The following OSBPL10 variants were observed in gnomAD, a reference collection of about 807,000 sequenced individuals.
The protein encoded by OSBPL10 is oxysterol-binding protein-related protein 10.
In OSBPL10, 49 loss-of-function variants were observed where a neutral mutation model predicts 81.7. The observed-to-expected ratio is 0.60, with a 90% CI of 0.48 to 0.76. The LOEUF (loss-of-function observed/expected upper bound fraction) is 0.76. Among genes scored for constraint, OSBPL10 ranks in the 30% least tolerant of loss-of-function variants. OSBPL10 has a pLI of 0.00. For missense variants in OSBPL10, 923 were observed against 987.8 expected (o/e 0.93, Z 0.88); for synonymous variants, 419 against 383.6 (o/e 1.09, Z -1.08).
upstream of OSBPL10, among the ~76,000 whole-genome samples, chr3:31,985,549 A>T (rs746909155): frequency 6.6e-6 from 1 of 152,190 alleles, no homozygotes; most frequent in Non-Finnish European, 1.5e-5. Context: ...AGTTTCTAGT[A>T]GTTGTTTCTG....
chr3:31,775,677 G>A (rs1698529224), intron 4 of OSBPL10, among the ~76,000 whole-genome samples: 1 of 152,104 alleles, frequency 6.6e-6, no homozygotes, highest in African/African-American at 2.4e-5. Context: ...GGATGAAGGA[G>A]GGACGGTGGG....
intron 1 of OSBPL10, among the ~76,000 whole-genome samples, chr3:32,051,970 G>A (rs142190802): frequency 8.5e-5 from 13 of 152,206 alleles, no homozygotes; most frequent in East Asian, 7.7e-4. Flanking sequence ...TTGGTAGGCC[G>A]GGTGCAGTGG....
At chr3:31,828,153 T>C (rs1318473392) in intron 4 of OSBPL10, among the ~76,000 whole-genome samples, 1 of 152,224 alleles carries the variant, frequency 6.6e-6, no homozygotes, top group African/African-American at 2.4e-5. Context: ...TATAAACTAA[T>C]CTGCGATGAG....
At chr3:31,772,743 T>C (rs1483654571) in intron 4 of OSBPL10, among the ~76,000 whole-genome samples, 1 of 152,230 alleles carries the variant, frequency 6.6e-6, no homozygotes, top group Non-Finnish European at 1.5e-5. Flanking sequence ...ATTCTGTGTG[T>C]CTGGAAATGA....
chr3:31,870,232 C>G (rs988284203), intron 3 of OSBPL10, among the ~76,000 whole-genome samples: 3 of 152,220 alleles, frequency 2.0e-5, no homozygotes, highest in Admixed American at 6.5e-5. Flanking sequence ...GCGGGCCTCC[C>G]GGCCCGGGCA....
At chr3:31,969,792 T>C (rs1041200075) in intron 1 of OSBPL10, among the ~76,000 whole-genome samples, 6 of 150,810 alleles carry the variant, frequency 4.0e-5, no homozygotes, top group Non-Finnish European at 4.4e-5. Flanking sequence ...GAGGCGGAGG[T>C]TGCATTGAGC....
intron 11 of OSBPL10, 71 bp from the exon 12 acceptor site, chr3:31,662,187 C>A (rs1020417412): frequency 6.2e-6 from 10 of 1,607,632 alleles, no homozygotes; most frequent in South Asian, 1.1e-5. Flanking sequence ...CAAGGATAAC[C>A]GCAGCCACTC....
intron 4 of OSBPL10, among the ~76,000 whole-genome samples, chr3:31,820,611 A>C (rs906982931): frequency 6.6e-6 from 1 of 152,040 alleles, no homozygotes; most frequent in Non-Finnish European, 1.5e-5. Flanking sequence ...AAAAAAAAAA[A>C]TTTCAACATA....
At chr3:31,822,586 C>T (rs1203009570) in intron 4 of OSBPL10, among the ~76,000 whole-genome samples, 5 of 152,016 alleles carry the variant, frequency 3.3e-5, no homozygotes, top group East Asian at 3.9e-4. Context: ...AAGTGTGAGC[C>T]GCGTTAAAAA....
chr3:31,668,631 C>A lies in OSBPL10; in HGVS notation c.2096+11G>T. ...ACTAAGCTGGAGAGGAAGACACAGC[C>A]CGGTTCTCACCTGGACTCCATGGGT... is the stretch of plus-strand genomic sequence containing the variant. On this transcript the variant is annotated intron_variant, in intron 10 of 11. Transcript: ENST00000396556. 1.2e-6 allele frequency: 2 copies of A among 1,605,504 alleles called. No homozygotes were observed. Among genetic ancestry groups the A allele is most frequent in the Non-Finnish European group, 8.5e-7 (1 of 1,175,024 alleles).
chr3:31,879,919 AC>A, intron 1 of OSBPL10, 89 bp from the exon 2 acceptor site: 1 of 1,323,056 alleles, frequency 7.6e-7, no homozygotes, highest in South Asian at 1.5e-5. Flanking sequence ...CCAGAAGTCA[AC>A]ATCAAGACTC....
chr3:32,066,034 A>C lies in OSBPL10; in HGVS notation n.185+11362T>G, dbSNP rs1263395711. Among the ~76,000 whole-genome samples, 4 of 87,278 alleles carry C rather than the reference A, an allele frequency of 4.6e-5. 2 individuals are homozygous for C. The highest frequency in any genetic ancestry group is 1.2e-4 in the Non-Finnish European group (4 of 32,796). The allele number at this position is 87,278 out of a possible 152,430, so 57.3% of individuals were successfully genotyped here. A position where few individuals can be genotyped will look rare whatever the true frequency, so the allele number is the denominator to read the frequency against. ...GAAAGAAAGAAAGAAAGAGAGAGAG[A>C]GAGAAAGAGAAAGAGAAGGTTGCAA... On this transcript the variant is annotated intron_variant and non_coding_transcript_variant, in intron 1 of 3. Coordinates refer to the OSBPL10 transcript ENST00000479173.
At chr3:31,861,104 T>G (rs60719031) in intron 3 of OSBPL10, among the ~76,000 whole-genome samples, 6,124 of 152,218 alleles carry the variant, frequency 0.04, 221 homozygotes, top group South Asian at 0.096. Context: ...ATAACATAAA[T>G]TATTAGTTTA....
intron 7 of OSBPL10, among the ~76,000 whole-genome samples, chr3:31,691,773 T>C (rs1011941171): frequency 1.3e-5 from 2 of 151,980 alleles, no homozygotes; most frequent in Non-Finnish European, 2.9e-5. Flanking sequence ...TTGGGAGCCA[T>C]CTTCGTATTT....
intron 1 of OSBPL10, among the ~76,000 whole-genome samples, chr3:31,898,317 T>C (rs746096665): frequency 2.0e-5 from 3 of 152,192 alleles, no homozygotes; most frequent in African/African-American, 4.8e-5. Context: ...GTGAGAGATA[T>C]GTTAATTAGC....
chr3:31,764,721 A>G (rs1412047163), intron 4 of OSBPL10, among the ~76,000 whole-genome samples: 2 of 152,202 alleles, frequency 1.3e-5, no homozygotes, highest in Non-Finnish European at 2.9e-5. Flanking sequence ...CCAATCTCCC[A>G]GCAAGGGTGG....
chr3:31,664,159 G>C lies in OSBPL10; in HGVS notation c.2170C>G (p.Leu724Val). ...IDAATEQKRH[L>V]EEKQRVEERK... ...TCCTCCACCCGTTGCTTCTCCTCCA[G>C]GTGCCGCTTCTGCTCGGTGGCTGCG... The change falls in exon 11 of 12, where the codon CTG (leucine) becomes GTG (valine). Residue 724 changes from leucine to valine, a missense_variant. Transcript: ENST00000396556. 1 of 1,613,734 alleles carries C rather than the reference G, an allele frequency of 6.2e-7. No individual in the cohort carries two copies. Among genetic ancestry groups the C allele is most frequent in the East Asian group, 2.2e-5 (1 of 44,846 alleles).
At chr3:31,970,682 C>A (rs990249120) in intron 1 of OSBPL10, among the ~76,000 whole-genome samples, 1 of 152,242 alleles carries the variant, frequency 6.6e-6, no homozygotes, top group Non-Finnish European at 1.5e-5. Context: ...GGATAATATA[C>A]GTAAAGTGTC....
rs754148222 is a variant in OSBPL10 at position 31,683,658 on chromosome 3, C to A, written c.1702G>T (p.Val568Leu). 1 of 1,613,066 alleles carries A rather than the reference C, an allele frequency of 6.2e-7. No homozygotes were observed. The highest frequency in any genetic ancestry group is 2.2e-5 in the East Asian group (1 of 44,862). The change falls in exon 8 of 12, where the codon GTG (valine) becomes TTG (leucine). Residue 568 changes from valine (V) to leucine (L), a missense_variant. Val to Leu is a conservative substitution (Grantham distance 32, BLOSUM62 1). Transcript: ENST00000396556. ...WTKSKFMGMS[V>L]GVSMIGEGVL... ...CCTTCCCCTATCATAGAGACCCCCA[C>A]GGACATGCCCATGAACTTGCTTTTG... is the stretch of plus-strand genomic sequence containing the variant.
Sources: gnomAD v4.1 joint callset for allele counts (sites outside exome capture counted in the v4.1 genomes callset) on GRCh38, gnomAD v4.1.1 for gene constraint, MANE v1.5 for transcripts, NCBI Gene and HGNC (gene_info 2026-07-23, HGNC 2026-07-21) for gene names.